The following DACH2 variants were observed in gnomAD, a reference collection of about 807,000 sequenced individuals.
DACH2 encodes the protein dachshund family transcription factor 2.
DACH2 carries 17 observed loss-of-function variants against 35.8 expected under a neutral mutation model. That is an observed-to-expected ratio of 0.48 (90% CI 0.33 to 0.71). The LOEUF is 0.71. DACH2 is among the 30% of genes least tolerant of loss of function. The probability of loss-of-function intolerance (pLI) is 0.02; values close to 1 mark genes in which losing one functional copy is unlikely to be tolerated. For missense variants in DACH2, 469 were observed against 472.7 expected, an observed-to-expected ratio of 0.99 and a Z score of 0.07; for synonymous variants, 195 against 177.3, an observed-to-expected ratio of 1.10 and a Z score of -0.79.
At chrX:86,344,540 A>G (rs901373286) in intron 1 of DACH2, among the ~76,000 whole-genome samples, 2 of 110,571 alleles carry the variant, frequency 1.8e-5, no homozygotes, top group African/African-American at 6.5e-5. Flanking sequence ...TAGAGAAATC[A>G]TACCTTTTAG....
intron 3 of DACH2, among the ~76,000 whole-genome samples, chrX:86,566,077 A>G (rs774289806): frequency 8.9e-6 from 1 of 112,019 alleles, no homozygotes; most frequent in South Asian, 3.6e-4. Flanking sequence ...TGTACATATT[A>G]TTTTGGCTGT....
At position 86,457,728 on chromosome X, in the gene DACH2, G is replaced by A. The variant is rs2037500522; in HGVS notation, c.528-56551G>A. 2.7e-5 allele frequency among the ~76,000 whole-genome samples: 3 copies of A among 112,126 alleles called. No homozygotes were observed. In the South Asian group the frequency reaches 1.1e-3, roughly 41 times the overall value. On this transcript the variant is annotated intron_variant, in intron 2 of 11. Transcript: ENST00000373125. Reference sequence around the variant, plus strand: ...GGAGGAATGAGAATGAATTTGTGATGTTCTTTCAATTTTGTTGGTCAGTCC... The same window carrying A: ...GGAGGAATGAGAATGAATTTGTGATATTCTTTCAATTTTGTTGGTCAGTCC...
At chrX:86,437,059 G>A (rs1367649775) in intron 2 of DACH2, among the ~76,000 whole-genome samples, 1 of 111,048 alleles carries the variant, frequency 9.0e-6, no homozygotes, top group Non-Finnish European at 1.9e-5. Context: ...CCTGGCTAGA[G>A]GCTTATTGAT....
intron 2 of DACH2, among the ~76,000 whole-genome samples, chrX:86,428,152 A>G (rs1167924590): frequency 8.9e-6 from 1 of 111,934 alleles, no homozygotes; most frequent in East Asian, 2.8e-4. Flanking sequence ...AATAGGTTAA[A>G]TAGATCAGTT....
At chrX:86,669,486 C>A (rs1232041904) in intron 4 of DACH2, among the ~76,000 whole-genome samples, 1 of 111,229 alleles carries the variant, frequency 9.0e-6, no homozygotes, top group Non-Finnish European at 1.9e-5. Context: ...AGTTTCACAT[C>A]AACATATTTC....
chrX:86,832,181 T>C lies in DACH2; in HGVS notation c.*26T>C, dbSNP rs1196511568. On this transcript the variant is annotated 3_prime_UTR_variant, in exon 12 of 12. Coordinates refer to ENST00000373125, the MANE Select transcript of DACH2 (RefSeq NM_053281.3). The stretch of plus-strand genomic sequence containing the variant: ...AAGGTCCTCGCTGGCTTTACATAAA[T>C]GAAGATGCTTGTGATTCCAGTTTAT... The C allele has an allele frequency of 8.9e-7, 1 of 1,118,311 alleles. No homozygotes were observed. The highest frequency in any genetic ancestry group is 1.2e-6 in the Non-Finnish European group (1 of 815,088). The allele number at this position is 1,118,311 out of a possible 1,213,427, so 92.2% of individuals were successfully genotyped here. A position where few individuals can be genotyped will look rare whatever the true frequency, so the allele number is the denominator to read the frequency against.
chrX:86,516,089 G>A (rs1326882829), intron 3 of DACH2, among the ~76,000 whole-genome samples: 1 of 111,891 alleles, frequency 8.9e-6, no homozygotes, highest in Non-Finnish European at 1.9e-5. Context: ...AAGACACTCA[G>A]GCTTTGAGGG....
At chrX:86,465,244 C>CA (rs984737127) in intron 2 of DACH2, among the ~76,000 whole-genome samples, 1 of 111,837 alleles carries the variant, frequency 8.9e-6, no homozygotes, top group African/African-American at 3.2e-5. Context: ...TGCTAATGTC[C>CA]AAAAAACAGA....
At chrX:86,691,563 C>T (rs186443465) in intron 4 of DACH2, among the ~76,000 whole-genome samples, 6 of 111,316 alleles carry the variant, frequency 5.4e-5, no homozygotes, top group African/African-American at 2.0e-4. Context: ...ATCCAGTCTG[C>T]TTGGAGTTCT....
intron 3 of DACH2, among the ~76,000 whole-genome samples, chrX:86,570,587 G>A (rs779231697): frequency 2.7e-5 from 3 of 110,474 alleles, no homozygotes; most frequent in Non-Finnish European, 5.7e-5. Flanking sequence ...GGGGCCTGTT[G>A]GGGGAGGGTG....
chrX:86,827,660 T>G, intron 11 of DACH2: 1 of 644,423 alleles, frequency 1.6e-6, no homozygotes, highest in Admixed American at 2.7e-5. Flanking sequence ...CACAGCGAAA[T>G]ACTATAAAGT....
At chrX:86,806,933 T>C (rs927599801) in intron 7 of DACH2, among the ~76,000 whole-genome samples, 1 of 111,813 alleles carries the variant, frequency 8.9e-6, no homozygotes, top group African/African-American at 3.3e-5. Flanking sequence ...GGTGAAGGGC[T>C]TTCTTTCCTA....
At chrX:86,443,013 C>T (rs1316844861) in intron 2 of DACH2, among the ~76,000 whole-genome samples, 6 of 111,466 alleles carry the variant, frequency 5.4e-5, no homozygotes, top group African/African-American at 9.8e-5. Context: ...TAGTGTGATG[C>T]CTCCAGCTTT....
intron 1 of DACH2, among the ~76,000 whole-genome samples, chrX:86,341,855 G>T (rs1044331187): frequency 1.8e-5 from 2 of 111,809 alleles, no homozygotes; most frequent in African/African-American, 6.5e-5. Context: ...AAGAGCAAGA[G>T]AACTAGAATT....
intron 1 of DACH2, among the ~76,000 whole-genome samples, chrX:86,155,899 A>G (rs2030529359): frequency 9.0e-6 from 1 of 111,087 alleles, no homozygotes; most frequent in Non-Finnish European, 1.9e-5. Context: ...TTGGATGTTT[A>G]TGATATGTAT....
intron 1 of DACH2, among the ~76,000 whole-genome samples, chrX:86,279,873 C>G: frequency 9.2e-6 from 1 of 108,322 alleles, no homozygotes; most frequent in Non-Finnish European, 1.9e-5. Context: ...GTGAAGCATA[C>G]ACAAGTATCA....
intron 11 of DACH2, among the ~76,000 whole-genome samples, chrX:86,818,960 A>G (rs1445039380): frequency 9.2e-6 from 1 of 108,338 alleles, no homozygotes; most frequent in African/African-American, 3.3e-5. Flanking sequence ...CAAACTGCAC[A>G]TGTACCAGAA....
At chrX:86,192,585 A>G (rs1279985530) in intron 1 of DACH2, among the ~76,000 whole-genome samples, 1 of 112,130 alleles carries the variant, frequency 8.9e-6, no homozygotes, top group Non-Finnish European at 1.9e-5. Context: ...CAAATATGCA[A>G]TAGAGATTTG....
chrX:86,715,814 C>T (rs910601907), intron 6 of DACH2, among the ~76,000 whole-genome samples: 1 of 110,365 alleles, frequency 9.1e-6, no homozygotes, highest in Non-Finnish European at 1.9e-5. Context: ...AGAGAGGAGG[C>T]AGGGATCTGG....
Sources: gnomAD v4.1 joint callset for allele counts (sites outside exome capture counted in the v4.1 genomes callset) on GRCh38, gnomAD v4.1.1 for gene constraint, MANE v1.5 for transcripts, NCBI Gene and HGNC (gene_info 2026-07-23, HGNC 2026-07-21) for gene names.